Variants in PLS1 observed in about 807,000 individuals in gnomAD.
PLS1 encodes the protein plastin 1.
Under a neutral mutation model 73.7 loss-of-function variants are expected in PLS1, and 32 were observed. The observed-to-expected ratio is 0.43, with a 90% CI of 0.33 to 0.58. PLS1 has a LOEUF of 0.58. Among genes scored for constraint, PLS1 ranks in the 20% least tolerant of loss-of-function variants. The probability of loss-of-function intolerance (pLI) is 0.04; values close to 1 mark genes in which losing one functional copy is unlikely to be tolerated. For missense variants in PLS1, 633 were observed against 740.5 expected, an observed-to-expected ratio of 0.85 and a Z score of 1.68; for synonymous variants, 217 against 261.3, an observed-to-expected ratio of 0.83 and a Z score of 1.63.
intron 1 of PLS1, among the ~76,000 whole-genome samples, chr3:142,602,261 G>GAGTT (rs567148884): frequency 3.7e-4 from 56 of 152,100 alleles, no homozygotes; most frequent in Non-Finnish European, 7.8e-4. Context: ...ATTGGGGAGT[G>GAGTT]AGTTGGTGGT....
At chr3:142,649,364 G>T (rs183094785) in intron 1 of PLS1, among the ~76,000 whole-genome samples, 169 of 149,684 alleles carry the variant, frequency 1.1e-3, no homozygotes, top group African/African-American at 4.1e-3. Context: ...GGCCAGGCAT[G>T]GTGGCTCACG....
intron 6 of PLS1, among the ~76,000 whole-genome samples, chr3:142,683,340 TA>T (rs1245946511): frequency 6.6e-6 from 1 of 152,118 alleles, no homozygotes; most frequent in African/African-American, 2.4e-5. Flanking sequence ...CCATCTCTAC[TA>T]AAAACACGAA....
intron 1 of PLS1, among the ~76,000 whole-genome samples, chr3:142,612,223 C>A (rs1342105773): frequency 6.6e-6 from 1 of 152,204 alleles, no homozygotes. Context: ...AAAAGATGAT[C>A]AACTCCAACT....
At chr3:142,646,808 G>GT (rs1432571884) in intron 1 of PLS1, among the ~76,000 whole-genome samples, 10 of 152,350 alleles carry the variant, frequency 6.6e-5, no homozygotes, top group African/African-American at 2.4e-4. Flanking sequence ...CCAGAATCAG[G>GT]TTTGTTTGTT....
At chr3:142,619,961 A>G (rs1328871979) in intron 1 of PLS1, among the ~76,000 whole-genome samples, 1 of 152,132 alleles carries the variant, frequency 6.6e-6, no homozygotes, top group Non-Finnish European at 1.5e-5. Context: ...AATTATGTAT[A>G]TAGCTTGATG....
chr3:142,646,203 A>G (rs1456033650), intron 1 of PLS1, among the ~76,000 whole-genome samples: 3 of 152,140 alleles, frequency 2.0e-5, no homozygotes, highest in African/African-American at 7.2e-5. Context: ...TGCTTGGCCT[A>G]TAGTGAACGC....
intron 1 of PLS1, among the ~76,000 whole-genome samples, chr3:142,604,836 G>A (rs2035990504): frequency 6.6e-6 from 1 of 151,910 alleles, no homozygotes; most frequent in African/African-American, 2.4e-5. Context: ...TCAGGAGACT[G>A]AGGCAGGAGA....
intron 1 of PLS1, among the ~76,000 whole-genome samples, chr3:142,640,783 G>A (rs1016599904): frequency 6.6e-6 from 1 of 152,090 alleles, no homozygotes; most frequent in Non-Finnish European, 1.5e-5. Context: ...AGGCCAGTTT[G>A]GATTTATTGT....
chr3:142,630,937 A>AC (rs1186522166), intron 1 of PLS1, among the ~76,000 whole-genome samples: 42 of 139,624 alleles, frequency 3.0e-4, no homozygotes, highest in Admixed American at 1.6e-3. Flanking sequence ...GCATGTAAAT[A>AC]AACACACACA....
Position 142,712,144 on chromosome 3 carries a change from T to C in PLS1, c.*137T>C. ...TATATATTCATTAATGAATTCAATATCCTGTTCATACTAGTTAGAGCTGGT... is the reference window on the plus strand; with the variant it reads ...TATATATTCATTAATGAATTCAATACCCTGTTCATACTAGTTAGAGCTGGT... On this transcript the variant is annotated 3_prime_UTR_variant, in exon 16 of 16. Transcript: ENST00000457734. The C allele has an allele frequency of 1.3e-6, 1 of 783,804 alleles. No individual in the cohort carries two copies. Among genetic ancestry groups the C allele is most frequent in the South Asian group, 1.8e-5 (1 of 54,338 alleles). 48.6% of individuals were successfully genotyped at this position (783,804 alleles called of 1,614,324 possible).
rs540951219 is a variant in PLS1, at chr3:142,649,848, C to T, written c.-36-14354C>T. 2.6e-5 allele frequency among the ~76,000 whole-genome samples: 4 copies of T among 152,200 alleles called. No individual in the cohort carries two copies. In the East Asian group the frequency reaches 5.8e-4, roughly 22 times the overall value. On this transcript the variant is annotated intron_variant, in intron 1 of 15. Coordinates refer to ENST00000457734, the MANE Select transcript of PLS1 (RefSeq NM_001145319.2). ...GATTAGGTGAGGTGGTGGTAAAATA[C>T]AAATTATGACCAAAGTAGTGCCTAT...
chr3:142,641,341 T>C (rs1157013207), intron 1 of PLS1, among the ~76,000 whole-genome samples: 1 of 148,130 alleles, frequency 6.8e-6, no homozygotes. Flanking sequence ...TTGGTCATTG[T>C]TGGAAATATA....
At chr3:142,600,052 A>G (rs923980942) in intron 1 of PLS1, among the ~76,000 whole-genome samples, 2 of 152,142 alleles carry the variant, frequency 1.3e-5, no homozygotes, top group African/African-American at 2.4e-5. Flanking sequence ...TCAGCCTCCC[A>G]AGATTAATTT....
chr3:142,654,706 A>T (rs2037182306), intron 1 of PLS1: 1 of 152,236 alleles, frequency 6.6e-6, no homozygotes, highest in Non-Finnish European at 1.5e-5. Flanking sequence ...AAACATGTGG[A>T]TTAAAAAATT....
chr3:142,655,960 A>G (rs2037226558), intron 1 of PLS1, among the ~76,000 whole-genome samples: 1 of 151,920 alleles, frequency 6.6e-6, no homozygotes, highest in African/African-American at 2.4e-5. Flanking sequence ...CAAATTAATT[A>G]CTTTTTTTTG....
intron 14 of PLS1, among the ~76,000 whole-genome samples, chr3:142,709,687 G>A (rs760812665): frequency 1.7e-4 from 26 of 151,976 alleles, no homozygotes; most frequent in Middle Eastern, 3.4e-3. Context: ...TGTGGTGGCC[G>A]GCGCCTGTAG....
chr3:142,699,937 T>C (rs1378032635), intron 12 of PLS1, among the ~76,000 whole-genome samples: 1 of 152,176 alleles, frequency 6.6e-6, no homozygotes, highest in Non-Finnish European at 1.5e-5. Context: ...ATTCTTTTCA[T>C]GGGAGTAGAA....
chr3:142,599,437 C>G (rs1337943610), intron 1 of PLS1, among the ~76,000 whole-genome samples: 4 of 149,488 alleles, frequency 2.7e-5, no homozygotes, highest in African/African-American at 7.4e-5. Flanking sequence ...TCACGCCATT[C>G]TCCTGCCTCA....
intron 9 of PLS1, among the ~76,000 whole-genome samples, chr3:142,689,384 C>T (rs1052189700): frequency 3.9e-5 from 6 of 151,940 alleles, no homozygotes; most frequent in African/African-American, 1.5e-4. Context: ...GATCACGCCA[C>T]TGCACTCCAG....
Sources: allele counts gnomAD v4.1 joint callset (sites outside exome capture counted in the v4.1 genomes callset), GRCh38; gene constraint gnomAD v4.1.1; transcripts MANE v1.5; gene names NCBI Gene and HGNC (gene_info 2026-07-23, HGNC 2026-07-21).